TRAPPC9: variants seen among roughly 807,000 people sequenced by gnomAD.
The protein encoded by TRAPPC9 is IKK2 binding protein.
Under a neutral mutation model 124.0 loss-of-function variants are expected in TRAPPC9, and 83 were observed. The observed-to-expected ratio is 0.67, with a 90% CI of 0.56 to 0.80. The LOEUF (loss-of-function observed/expected upper bound fraction) is 0.80. TRAPPC9 is among the 30% of genes least tolerant of loss of function. The pLI, the probability that TRAPPC9 is intolerant of heterozygous loss-of-function variation, is 0.00. For synonymous variants in TRAPPC9, 638 were observed against 617.5 expected (o/e 1.03, Z -0.49); for missense variants, 1,302 against 1,508.3 (o/e 0.86, Z 2.27).
intron 4 of TRAPPC9, among the ~76,000 whole-genome samples, chr8:140,428,608 T>C (rs188168933): frequency 1.3e-5 from 2 of 152,278 alleles, no homozygotes. Flanking sequence ...GATGCTTCAG[T>C]TTGTTCCTGT....
At chr8:140,189,202 A>G (rs538873908) in intron 17 of TRAPPC9, among the ~76,000 whole-genome samples, 25 of 152,360 alleles carry the variant, frequency 1.6e-4, no homozygotes, top group Admixed American at 3.3e-4. Context: ...TGCCTGGCAT[A>G]TATTTGCTGA....
chr8:140,000,290 C>T (rs867291356), intron 18 of TRAPPC9, among the ~76,000 whole-genome samples: 21 of 152,300 alleles, frequency 1.4e-4, no homozygotes, highest in Middle Eastern at 3.4e-3. Context: ...TAGAAGAAAA[C>T]CTAGGCATTG....
At chr8:140,380,384 C>T (rs568224477) in intron 7 of TRAPPC9, among the ~76,000 whole-genome samples, 25 of 152,160 alleles carry the variant, frequency 1.6e-4, no homozygotes, top group South Asian at 4.1e-4. Context: ...CCTGGCATGG[C>T]GGCTCACGGC....
chr8:139,783,197 T>C (rs1358441268), intron 21 of TRAPPC9, among the ~76,000 whole-genome samples: 1 of 151,792 alleles, frequency 6.6e-6, no homozygotes, highest in Non-Finnish European at 1.5e-5. Flanking sequence ...TGGAAATCAA[T>C]GAAATAACAA....
At chr8:139,852,683 A>G (rs1358046980) in intron 21 of TRAPPC9, among the ~76,000 whole-genome samples, 1 of 152,226 alleles carries the variant, frequency 6.6e-6, no homozygotes, top group Non-Finnish European at 1.5e-5. Flanking sequence ...GGCAGCACAA[A>G]CCAAAGAAAA....
chr8:140,325,505 T>C (rs1485808636), intron 9 of TRAPPC9, among the ~76,000 whole-genome samples: 1 of 152,162 alleles, frequency 6.6e-6, no homozygotes, highest in African/African-American at 2.4e-5. Flanking sequence ...AACAACCATA[T>C]GCCTATACAT....
At position 140,072,594 on chromosome 8, in the gene TRAPPC9, AGG is replaced by A. The variant is rs1843244153; in HGVS notation, c.2557-48517_2557-48516del. On this transcript the variant is annotated intron_variant, in intron 17 of 22. Coordinates refer to ENST00000438773, the MANE Select transcript of TRAPPC9 (RefSeq NM_001160372.4). The stretch of plus-strand genomic sequence containing the variant: ...AAGGAAGGAGGAGGAGGAGAAGGGA[AGG>A]AGGAGGAGGAGGAGGAGGAGGAGGA... Among the ~76,000 whole-genome samples, 5 of 2,592 alleles carry A rather than the reference AGG, an allele frequency of 1.9e-3. No individual in the cohort carries two copies. The South Asian group carries it at 0.077, about 40-fold the overall frequency. The allele number at this position is 2,592 out of a possible 152,430, so 1.7% of individuals were successfully genotyped here.
chr8:139,748,742 C>T (rs57697572), intron 21 of TRAPPC9, among the ~76,000 whole-genome samples: 4,607 of 152,138 alleles, frequency 0.03, 255 homozygotes, highest in African/African-American at 0.1. Context: ...TTGCTGCCCT[C>T]GGCATTCTGC....
chr8:140,036,544 G>C (rs1172644934), intron 17 of TRAPPC9, among the ~76,000 whole-genome samples: 1 of 152,230 alleles, frequency 6.6e-6, no homozygotes, highest in Non-Finnish European at 1.5e-5. Context: ...AGGCAGAGGA[G>C]CAAGAAGACA....
intron 19 of TRAPPC9, among the ~76,000 whole-genome samples, chr8:139,915,385 T>G (rs1029387920): frequency 1.3e-5 from 2 of 152,182 alleles, no homozygotes; most frequent in African/African-American, 4.8e-5. Flanking sequence ...TAGCTGGGAT[T>G]ACAGGTGCAT....
chr8:140,439,194 A>G lies in TRAPPC9; in HGVS notation c.588T>C (p.His196=), dbSNP rs61736350. The G allele has an allele frequency of 6.3e-4, 1,017 of 1,614,102 alleles. 5 individuals carry two copies. The African/African-American group carries it at 9.1e-3, about 15-fold the overall frequency. ...DFVGLDTDSR[H]YKKRCQGRMR... ...TGCGGCCTTGGCACCGCTTCTTGTA[A>G]TGTCTAGAAAATACATGAAAATGTA... The change falls in exon 3 of 23, where the codon CAT becomes CAC. Residue 196 remains histidine, a synonymous_variant. Coordinates refer to ENST00000438773, the MANE Select transcript of TRAPPC9 (RefSeq NM_001160372.4).
At chr8:140,221,930 T>C (rs115902081) in intron 16 of TRAPPC9, among the ~76,000 whole-genome samples, 1,751 of 152,362 alleles carry the variant, frequency 0.011, 38 homozygotes, top group African/African-American at 0.04. Context: ...GTTTCTGTCC[T>C]GACTATTCTA....
chr8:140,200,673 AC>A (rs944409259), intron 17 of TRAPPC9, among the ~76,000 whole-genome samples: 1 of 152,120 alleles, frequency 6.6e-6, no homozygotes, highest in Admixed American at 6.6e-5. Context: ...GTCACGAAAA[AC>A]AAGGAGAGAC....
chr8:139,830,891 G>T (rs1036724625), intron 21 of TRAPPC9, among the ~76,000 whole-genome samples: 12 of 152,234 alleles, frequency 7.9e-5, no homozygotes, highest in Non-Finnish European at 2.9e-5. Flanking sequence ...TGCTCTCCAG[G>T]GAGGCTGAAC....
chr8:139,740,021 T>C (rs1818449786), intron 21 of TRAPPC9, among the ~76,000 whole-genome samples: 1 of 152,136 alleles, frequency 6.6e-6, no homozygotes. Flanking sequence ...AGTGCACCAT[T>C]TGGCACATGA....
In TRAPPC9 at chr8:140,241,996, G is replaced by A. The variant is rs1360423206; in HGVS notation, c.2431+10781C>T. Among the ~76,000 whole-genome samples the A allele has an allele frequency of 6.6e-6, 1 of 152,144 alleles. No homozygotes were observed. Among genetic ancestry groups the A allele is most frequent in the Non-Finnish European group, 1.5e-5 (1 of 68,036 alleles). On this transcript the variant is annotated intron_variant, in intron 16 of 22. Transcript: ENST00000438773. The surrounding 1 kb of genome is among the most constrained non-coding windows in gnomAD (Gnocchi z 5.0). ...GACATGGAGGGAGGGGACACTCAAG[G>A]GCTTGCAGGAGGGAGGGGCCGAGTG...
At chr8:139,748,289 A>G (rs373166897) in intron 21 of TRAPPC9, among the ~76,000 whole-genome samples, 65 of 37,692 alleles carry the variant, frequency 1.7e-3, no homozygotes, top group Middle Eastern at 0.016. Flanking sequence ...AGTGGGTGTG[A>G]GGGTGTCCTG....
chr8:139,936,357 A>C (rs552167888), intron 19 of TRAPPC9, among the ~76,000 whole-genome samples: 1 of 152,370 alleles, frequency 6.6e-6, no homozygotes, highest in South Asian at 2.1e-4. Context: ...CCAGGAGCAC[A>C]AGGCCACATG....
At chr8:140,274,406 C>G (rs997784345) in intron 15 of TRAPPC9, among the ~76,000 whole-genome samples, 5 of 152,326 alleles carry the variant, frequency 3.3e-5, no homozygotes, top group African/African-American at 1.2e-4. Context: ...GCACATAAAT[C>G]ACTAGAGGAC....
Sources: allele counts gnomAD v4.1 joint callset (sites outside exome capture counted in the v4.1 genomes callset), GRCh38; gene constraint gnomAD v4.1.1; non-coding constraint Gnocchi (gnomAD v3.1); transcripts MANE v1.5; gene names NCBI Gene and HGNC (gene_info 2026-07-23, HGNC 2026-07-21).